HERC6: variants seen among roughly 807,000 people sequenced by gnomAD.
HERC6 encodes probable E3 ubiquitin-protein ligase HERC6.
In HERC6, 101 loss-of-function variants were observed where a neutral mutation model predicts 114.5. The observed-to-expected ratio is 0.88, with a 90% confidence interval of 0.75 to 1.04. HERC6 has a LOEUF of 1.04. HERC6 is among the 50% of genes least tolerant of loss of function. The pLI is 0.00. For synonymous variants in HERC6, 408 were observed against 436.2 expected (o/e 0.94, Z 0.81); for missense variants, 1,133 against 1,230.9 (o/e 0.92, Z 1.19).
intron 13 of HERC6, among the ~76,000 whole-genome samples, chr4:88,423,231 G>A (rs1049044732): frequency 6.6e-6 from 1 of 151,608 alleles, no homozygotes; most frequent in Non-Finnish European, 1.5e-5. Flanking sequence ...TTTTTGTGAT[G>A]GAGGCATTTA....
At position 88,442,471 on chromosome 4, in the gene HERC6, G is replaced by A; in HGVS notation, c.*11G>A. On this transcript the variant is annotated 3_prime_UTR_variant, in exon 23 of 23. Coordinates refer to ENST00000264346, the MANE Select transcript of HERC6 (RefSeq NM_017912.4). Reference sequence around the variant, plus strand: ...CTCACACAGTCATAATCACCTCTGAGAGACTCAGGGTGGGCTTTCTCACAC... The same window carrying A: ...CTCACACAGTCATAATCACCTCTGAAAGACTCAGGGTGGGCTTTCTCACAC... 6.3e-7 allele frequency: 1 copy of A among 1,594,810 alleles called. No individual in the cohort carries two copies. Among genetic ancestry groups the A allele is most frequent in the Non-Finnish European group, 8.6e-7 (1 of 1,163,704 alleles).
chr4:88,435,997 A>G (rs1245177420), intron 18 of HERC6, 106 bp downstream of exon 18: 1 of 775,990 alleles, frequency 1.3e-6, no homozygotes, highest in Non-Finnish European at 1.9e-6. Context: ...CAATTTCAAT[A>G]ATGTATGCTC....
chr4:88,379,127 G>C lies in HERC6; in HGVS notation c.199+7G>C, dbSNP rs1734019493. On this transcript the variant is annotated splice_region_variant and intron_variant, in intron 1 of 22. Coordinates refer to ENST00000264346, the MANE Select transcript of HERC6 (RefSeq NM_017912.4). ...CAGCGCGGGGAGCTGCCAGGTGAGC[G>C]GGGGGCCCCAGGTGCAGGGTGTGAG... 2 of 1,536,118 alleles carry C rather than the reference G, an allele frequency of 1.3e-6. No homozygotes were observed.
intron 3 of HERC6, among the ~76,000 whole-genome samples, chr4:88,387,810 C>A (rs149050695): frequency 6.6e-6 from 1 of 152,198 alleles, no homozygotes; most frequent in African/African-American, 2.4e-5. Context: ...TAAATAGGAA[C>A]GTCTTTTCCT....
At position 88,442,427 on chromosome 4, in the gene HERC6, A is replaced by C; in HGVS notation, c.3036A>C (p.Arg1012Ser). 1 of 1,613,996 alleles carries C rather than the reference A, an allele frequency of 6.2e-7. No individual in the cohort carries two copies. Among genetic ancestry groups the C allele is most frequent in the Non-Finnish European group, 8.5e-7 (1 of 1,179,956 alleles). The change falls in exon 23 of 23, where the codon AGA becomes AGC. Residue 1012 changes from arginine (R) to serine (S), a missense_variant. Physicochemically the swap from Arg to Ser is moderately radical, Grantham distance 110. This residue lies in a region of HERC6 where 388 missense variants were observed against 445.9 expected (regional missense o/e 0.87). Coordinates refer to ENST00000264346, the MANE Select transcript of HERC6 (RefSeq NM_017912.4). ...EALQVAINNN[R>S]GFVSPMLTQS ...TTCAAGTAGCCATCAACAACAACAG[A>C]GGATTTGTCTCACCCATGCTCACAC...
chr4:88,438,041 G>C (rs546094014), intron 20 of HERC6, among the ~76,000 whole-genome samples: 1 of 148,878 alleles, frequency 6.7e-6, no homozygotes, highest in African/African-American at 2.5e-5. Context: ...GCTGAGGATT[G>C]CTTGAACCCA....
chr4:88,410,261 C>T (rs939239183), intron 11 of HERC6, among the ~76,000 whole-genome samples: 11 of 152,044 alleles, frequency 7.2e-5, no homozygotes, highest in South Asian at 2.1e-4. Context: ...TCTGGAAAGG[C>T]GGGACAACTC....
chr4:88,393,464 A>T, intron 4 of HERC6, 24 bp from the exon 5 acceptor site: 1 of 1,466,134 alleles, frequency 6.8e-7, no homozygotes, highest in East Asian at 2.3e-5. Flanking sequence ...CTTATACTCT[A>T]GAGATTCTGC....
intron 3 of HERC6, 103 bp from the exon 4 acceptor site, chr4:88,390,549 T>C: frequency 1.0e-6 from 1 of 996,632 alleles, no homozygotes; most frequent in Non-Finnish European, 1.5e-6. Context: ...TTGTCAATTA[T>C]CCCTCATTAA....
rs1739445258 is a variant in HERC6, at chr4:88,442,522, C to A, written c.*62C>A. On this transcript the variant is annotated 3_prime_UTR_variant, in exon 23 of 23. Coordinates refer to ENST00000264346, the MANE Select transcript of HERC6 (RefSeq NM_017912.4). ...TTGGATCCTTCTGTTCTTCCTTACACCTAAATAATACAAGAGATTAATGAA... is the reference window on the plus strand; with the variant it reads ...TTGGATCCTTCTGTTCTTCCTTACAACTAAATAATACAAGAGATTAATGAA... 1.7e-6 allele frequency: 2 copies of A among 1,166,214 alleles called. No homozygotes were observed. Among genetic ancestry groups the A allele is most frequent in the Admixed American group, 3.8e-5 (2 of 51,970 alleles). 72.2% of individuals were successfully genotyped at this position (1,166,214 alleles called of 1,614,324 possible). A position where few individuals can be genotyped will look rare whatever the true frequency, so the allele number is the denominator to read the frequency against.
At chr4:88,427,070 G>GA (rs1421268665) in intron 15 of HERC6, among the ~76,000 whole-genome samples, 1 of 152,288 alleles carries the variant, frequency 6.6e-6, no homozygotes, top group South Asian at 2.1e-4. Context: ...TGCACATTAT[G>GA]AAAGACTAGG....
At chr4:88,387,739 T>C (rs145358683) in intron 3 of HERC6, among the ~76,000 whole-genome samples, 1 of 152,334 alleles carries the variant, frequency 6.6e-6, no homozygotes, top group East Asian at 1.9e-4. Context: ...ATTTAGAAGA[T>C]TGAGTGAGAG....
intron 4 of HERC6, among the ~76,000 whole-genome samples, chr4:88,392,837 G>T (rs1178734632): frequency 2.0e-5 from 3 of 152,220 alleles, no homozygotes; most frequent in Non-Finnish European, 4.4e-5. Context: ...GCAATGGCCA[G>T]TACACATGTC....
intron 15 of HERC6, 43 bp downstream of exon 15, chr4:88,424,745 T>C (rs757052391): frequency 1.3e-5 from 15 of 1,178,944 alleles, no homozygotes; most frequent in East Asian, 2.4e-5. Flanking sequence ...TTCAAACATA[T>C]ATAAAATAGA....
intron 22 of HERC6, 83 bp from the exon 23 acceptor site, chr4:88,442,151 T>C: frequency 1.1e-6 from 1 of 947,294 alleles, no homozygotes; most frequent in Non-Finnish European, 1.6e-6. Flanking sequence ...AAATACTTAC[T>C]GAATGAAGTG....
At chr4:88,396,825 A>G (rs775395239) in intron 6 of HERC6, 26 bp from the exon 7 acceptor site, 4 of 1,505,392 alleles carry the variant, frequency 2.7e-6, no homozygotes, top group Non-Finnish European at 3.6e-6. Flanking sequence ...CTTAGTCTTC[A>G]TTATGGTGTA....
intron 16 of HERC6, 61 bp from the exon 17 acceptor site, chr4:88,431,100 TC>T: frequency 6.8e-7 from 1 of 1,472,058 alleles, no homozygotes; most frequent in Non-Finnish European, 9.3e-7. Flanking sequence ...GTTTAAAACT[TC>T]CATAAAGCTC....
chr4:88,384,573 G>C (rs904934845), intron 2 of HERC6, among the ~76,000 whole-genome samples: 1 of 152,124 alleles, frequency 6.6e-6, no homozygotes, highest in Non-Finnish European at 1.5e-5. Flanking sequence ...ATCACCTCTT[G>C]TTACCTCTTC....
chr4:88,411,665 C>T (rs1037888211), intron 11 of HERC6, among the ~76,000 whole-genome samples: 2 of 152,174 alleles, frequency 1.3e-5, no homozygotes, highest in African/African-American at 4.8e-5. Flanking sequence ...CTTTGAAATC[C>T]CAGTAGCTTA....
Sources: gnomAD v4.1 joint callset for allele counts (sites outside exome capture counted in the v4.1 genomes callset) on GRCh38, gnomAD v4.1.1 for gene constraint, gnomAD v4.1.1 regional missense constraint, MANE v1.5 for transcripts, NCBI Gene and HGNC (gene_info 2026-07-23, HGNC 2026-07-21) for gene names.